STPG2: variants seen among roughly 807,000 people sequenced by gnomAD.
The protein encoded by STPG2 is sperm-tail PG-rich repeat-containing protein 2.
A neutral mutation model predicts 54.2 loss-of-function variants in STPG2; 56 were observed. The observed-to-expected ratio is 1.03, with a 90% CI of 0.83 to 1.29. The LOEUF (loss-of-function observed/expected upper bound fraction) is 1.29. Ranked by LOEUF, STPG2 falls within the 50% of genes most tolerant of loss-of-function variation. The pLI is 0.00. For missense variants in STPG2, 596 were observed against 544.9 expected, an observed-to-expected ratio of 1.09 and a Z score of -0.93; for synonymous variants, 200 against 181.8, an observed-to-expected ratio of 1.10 and a Z score of -0.81.
At chr4:98,090,088 G>A (rs10856935) in intron 5 of STPG2, among the ~76,000 whole-genome samples, 60,181 of 151,812 alleles carry the variant, frequency 0.4, 12,156 homozygotes, top group Middle Eastern at 0.47. Context: ...TTTTTGTTGC[G>A]TTTGCTTTTG....
rs954426713 is a variant in STPG2, at chr4:97,943,543, A to T, written c.1044+354T>A. ...TCGGGAGTCTTAGATTTCAAGACGAATTCCATTGAAAAGAGAAAACATTTG... is the reference window on the plus strand; with the variant it reads ...TCGGGAGTCTTAGATTTCAAGACGATTTCCATTGAAAAGAGAAAACATTTG... On this transcript the variant is annotated intron_variant, in intron 8 of 10. Transcript: ENST00000295268. 1.3e-3 allele frequency among the ~76,000 whole-genome samples: 58 copies of T among 44,578 alleles called. 1 individual carries two copies. Among genetic ancestry groups the T allele is most frequent in the Non-Finnish European group, 2.7e-3 (47 of 17,236 alleles). The allele number at this position is 44,578 out of a possible 152,430, so 29.2% of individuals were successfully genotyped here.
At chr4:97,986,843 T>C (rs1734845846) in intron 5 of STPG2, among the ~76,000 whole-genome samples, 1 of 152,204 alleles carries the variant, frequency 6.6e-6, no homozygotes, top group Non-Finnish European at 1.5e-5. Context: ...CCTCACACTA[T>C]GCCTATTAGA....
chr4:97,703,562 CTAT>C (rs1453038294), intron 10 of STPG2, among the ~76,000 whole-genome samples: 4 of 129,734 alleles, frequency 3.1e-5, no homozygotes, highest in Non-Finnish European at 4.8e-5. Flanking sequence ...ACTATATATA[CTAT>C]TATATTTAGT....
intron 4 of STPG2, among the ~76,000 whole-genome samples, chr4:97,548,043 G>C (rs1294222690): frequency 6.6e-6 from 1 of 152,058 alleles, no homozygotes; most frequent in Non-Finnish European, 1.5e-5. Context: ...CCAGCTACTC[G>C]GGAGGCTGAG....
At chr4:97,583,745 C>T (rs1732923228) in intron 10 of STPG2, among the ~76,000 whole-genome samples, 1 of 151,784 alleles carries the variant, frequency 6.6e-6, no homozygotes, top group Non-Finnish European at 1.5e-5. Flanking sequence ...TCAGATTAAA[C>T]AGACATTAAA....
At chr4:97,587,050 G>C (rs1281558683) in intron 10 of STPG2, among the ~76,000 whole-genome samples, 1 of 151,822 alleles carries the variant, frequency 6.6e-6, no homozygotes, top group Non-Finnish European at 1.5e-5. Flanking sequence ...GGTAATGTTT[G>C]TCTTTGCTAG....
At chr4:97,455,314 T>C (rs1234168870) in intron 4 of STPG2, among the ~76,000 whole-genome samples, 1 of 152,142 alleles carries the variant, frequency 6.6e-6, no homozygotes, top group African/African-American at 2.4e-5. Context: ...GCATTTGTTT[T>C]TGTGTCCAAA....
At chr4:97,584,287 A>C (rs72889099) in intron 10 of STPG2, among the ~76,000 whole-genome samples, 1 of 151,848 alleles carries the variant, frequency 6.6e-6, no homozygotes, top group Admixed American at 6.6e-5. Flanking sequence ...GGATCTTTGC[A>C]TCAACAATGA....
intron 8 of STPG2, among the ~76,000 whole-genome samples, chr4:97,880,399 C>T (rs892151831): frequency 2.6e-5 from 4 of 152,082 alleles, no homozygotes; most frequent in Non-Finnish European, 5.9e-5. Context: ...GAAAGTCGTA[C>T]AGAATGAAAG....
chr4:98,059,207 C>T (rs1737569851), intron 5 of STPG2, among the ~76,000 whole-genome samples: 2 of 152,060 alleles, frequency 1.3e-5, no homozygotes, highest in African/African-American at 4.8e-5. Flanking sequence ...TCAGAAACTA[C>T]TATGTACACC....
intron 8 of STPG2, among the ~76,000 whole-genome samples, chr4:97,930,512 T>G (rs745344885): frequency 4.6e-5 from 7 of 152,148 alleles, no homozygotes; most frequent in Non-Finnish European, 8.8e-5. Flanking sequence ...ATGTCTGGTC[T>G]CTCTTTTTTG....
chr4:98,107,974 C>T (rs1191085282), intron 4 of STPG2, among the ~76,000 whole-genome samples: 1 of 151,994 alleles, frequency 6.6e-6, no homozygotes, highest in Admixed American at 6.6e-5. Context: ...TGTTAAGGTT[C>T]TAGCATAACT....
At chr4:97,838,528 C>A (rs1172405349) in intron 9 of STPG2, among the ~76,000 whole-genome samples, 12 of 149,618 alleles carry the variant, frequency 8.0e-5, no homozygotes, top group East Asian at 5.9e-4. Context: ...TTATATTGAT[C>A]AAAAAAAACG....
intron 6 of STPG2, among the ~76,000 whole-genome samples, chr4:97,975,843 C>T (rs1421607360): frequency 6.6e-6 from 1 of 152,132 alleles, no homozygotes; most frequent in Non-Finnish European, 1.5e-5. Context: ...GGGTTTACAA[C>T]TAAATGTAAA....
intron 9 of STPG2, among the ~76,000 whole-genome samples, chr4:97,769,245 A>G (rs1020885103): frequency 6.6e-6 from 1 of 152,094 alleles, no homozygotes; most frequent in African/African-American, 2.4e-5. Flanking sequence ...ACTTTTGCCA[A>G]TGACAGAACA....
chr4:97,593,419 T>C (rs1188181970), intron 10 of STPG2, among the ~76,000 whole-genome samples: 1 of 152,172 alleles, frequency 6.6e-6, no homozygotes, highest in Non-Finnish European at 1.5e-5. Context: ...TGTCAGCGCA[T>C]CCTGGGTCTC....
At chr4:97,489,305 T>C (rs534592742) in intron 4 of STPG2, among the ~76,000 whole-genome samples, 1 of 151,812 alleles carries the variant, frequency 6.6e-6, no homozygotes, top group East Asian at 1.9e-4. Context: ...ACAGATGGAT[T>C]AGATAGACAG....
At chr4:97,713,986 G>A (rs567783200) in intron 9 of STPG2, among the ~76,000 whole-genome samples, 38 of 152,238 alleles carry the variant, frequency 2.5e-4, no homozygotes, top group African/African-American at 9.1e-4. Flanking sequence ...AGAATATGTG[G>A]AATATAATTT....
chr4:98,017,449 G>A (rs1350106387), intron 5 of STPG2, among the ~76,000 whole-genome samples: 1 of 152,108 alleles, frequency 6.6e-6, no homozygotes, highest in Non-Finnish European at 1.5e-5. Context: ...ATGACTATGA[G>A]GCAAAGTGAG....
Sources: gnomAD v4.1 joint callset for allele counts (sites outside exome capture counted in the v4.1 genomes callset) on GRCh38, gnomAD v4.1.1 for gene constraint, MANE v1.5 for transcripts, NCBI Gene and HGNC (gene_info 2026-07-23, HGNC 2026-07-21) for gene names.